Variants in SP140L observed in about 807,000 individuals in gnomAD.
The protein encoded by SP140L is SP140 like nuclear body protein, also known as nuclear body protein SP140-like protein.
A neutral mutation model predicts 84.3 loss-of-function variants in SP140L; 64 were observed. That is an observed-to-expected ratio of 0.76 (90% CI 0.62 to 0.94). SP140L has a LOEUF of 0.94. SP140L is among the 40% of genes least tolerant of loss of function. The pLI is 0.00. For synonymous variants in SP140L, 242 were observed against 236.9 expected (o/e 1.02, Z -0.20); for missense variants, 628 against 692.5 (o/e 0.91, Z 1.05).
intron 6 of SP140L, 84 bp from the exon 7 acceptor site, chr2:230,371,514 G>A: frequency 8.3e-7 from 1 of 1,199,762 alleles, no homozygotes; most frequent in Non-Finnish European, 1.2e-6. Flanking sequence ...ATAAACTCAA[G>A]CCTTCTATAG....
chr2:230,335,022 G>A (rs2059829307), intron 2 of SP140L, among the ~76,000 whole-genome samples: 1 of 151,950 alleles, frequency 6.6e-6, no homozygotes, highest in Non-Finnish European at 1.5e-5. Context: ...TTCCTTCTCT[G>A]AAGACATATC....
At chr2:230,388,808 T>A in intron 10 of SP140L, 175 bp downstream of exon 10, 1 of 617,398 alleles carries the variant, frequency 1.6e-6, no homozygotes, top group Non-Finnish European at 2.6e-6. Flanking sequence ...AAGAAGGAAG[T>A]AAGTTGGTGA....
At position 230,392,185 on chromosome 2, in the gene SP140L, C is replaced by T. The variant is rs778627120; in HGVS notation, c.1063C>T (p.Leu355=). Residue 355 remains leucine (L), a synonymous_variant, in exon 12 of 19, where the codon CTG becomes TTG. Coordinates refer to ENST00000415673, the MANE Select transcript of SP140L (RefSeq NM_138402.6). ...GGYARSKNWR[L]SVRCGGWPLR... ...CTACGCAAGATCAAAGAACTGGAGG[C>T]TGAGTGTGCGCTGTGGCGGGTGGCC... The T allele has an allele frequency of 1.2e-6, 2 of 1,613,966 alleles. No homozygotes were observed. Among genetic ancestry groups the T allele is most frequent in the Non-Finnish European group, 1.7e-6 (2 of 1,179,952 alleles).
chr2:230,336,057 T>A (rs1323194098), intron 2 of SP140L, among the ~76,000 whole-genome samples: 2 of 152,170 alleles, frequency 1.3e-5, no homozygotes, highest in East Asian at 3.9e-4. Flanking sequence ...TATTCCATCA[T>A]AAGAGGAGGG....
At chr2:230,362,296 A>G (rs993550928) in intron 5 of SP140L, among the ~76,000 whole-genome samples, 2 of 152,142 alleles carry the variant, frequency 1.3e-5, no homozygotes, top group African/African-American at 4.8e-5. Flanking sequence ...GACTTTCATC[A>G]CTTAGGATGT....
chr2:230,382,259 C>T (rs574233806), intron 7 of SP140L, among the ~76,000 whole-genome samples: 3 of 151,794 alleles, frequency 2.0e-5, no homozygotes, highest in Non-Finnish European at 2.9e-5. Context: ...CAGCCCCTGC[C>T]GTCTCATGCC....
At chr2:230,379,640 G>GT (rs1193102234) in intron 7 of SP140L, among the ~76,000 whole-genome samples, 4 of 151,864 alleles carry the variant, frequency 2.6e-5, no homozygotes, top group Admixed American at 2.6e-4. Context: ...AGTTTTTCTA[G>GT]TGAGTGATCT....
chr2:230,362,497 A>G (rs2060748706), intron 5 of SP140L, among the ~76,000 whole-genome samples: 3 of 152,274 alleles, frequency 2.0e-5, no homozygotes, highest in Non-Finnish European at 4.4e-5. Context: ...GAAGTGGTGC[A>G]GATGTGGAGA....
At chr2:230,365,106 T>C (rs1230626767) in intron 5 of SP140L, among the ~76,000 whole-genome samples, 2 of 152,136 alleles carry the variant, frequency 1.3e-5, no homozygotes, top group African/African-American at 4.8e-5. Context: ...GATACTGGCC[T>C]GTAGTTTTCT....
At chr2:230,375,813 C>T (rs990758419) in intron 7 of SP140L, among the ~76,000 whole-genome samples, 2 of 152,028 alleles carry the variant, frequency 1.3e-5, no homozygotes, top group East Asian at 1.9e-4. Flanking sequence ...GGGCAATAAC[C>T]CTTATCAAAT....
intron 7 of SP140L, among the ~76,000 whole-genome samples, chr2:230,381,483 T>G (rs555601832): frequency 9.9e-5 from 15 of 152,200 alleles, no homozygotes; most frequent in Non-Finnish European, 2.1e-4. Flanking sequence ...AATTTCCTCA[T>G]GAAGACACTA....
Position 230,357,906 on chromosome 2 carries a change from A to G in SP140L, c.209A>G (p.Lys70Arg). Residue 70 changes from lysine to arginine, a missense_variant, in exon 3 of 19, where the codon AAG (lysine) becomes AGG (arginine). This residue lies in a region of SP140L where 525 missense variants were observed against 518.4 expected (regional missense o/e 1.01). Transcript: ENST00000415673. Reference protein sequence around the residue: ...HKLEISNAIKKTFPFLEGLRD... With the variant: ...HKLEISNAIKRTFPFLEGLRD... ...CTGGAGATATCAAATGCAATAAAAAAGACATTTCCATTCCTTGAGGGCCTC... is the reference window on the plus strand; with the variant it reads ...CTGGAGATATCAAATGCAATAAAAAGGACATTTCCATTCCTTGAGGGCCTC... 6.2e-7 allele frequency: 1 copy of G among 1,614,148 alleles called. No individual in the cohort carries two copies. Among genetic ancestry groups the G allele is most frequent in the Non-Finnish European group, 8.5e-7 (1 of 1,179,956 alleles).
chr2:230,335,598 GT>G (rs986359575), intron 2 of SP140L, among the ~76,000 whole-genome samples: 2 of 151,750 alleles, frequency 1.3e-5, no homozygotes, highest in Admixed American at 1.3e-4. Context: ...GTCTACTGTT[GT>G]TTTTTTTGTG....
At chr2:230,383,351 T>G (rs542694099) in intron 7 of SP140L, among the ~76,000 whole-genome samples, 159 bp from the exon 8 acceptor site, 5 of 152,340 alleles carry the variant, frequency 3.3e-5, no homozygotes, top group Admixed American at 2.6e-4. Flanking sequence ...AAAATAGGAC[T>G]CTGTACTCAA....
Position 230,400,833 on chromosome 2 carries a change from T to C in SP140L, c.1314-122T>C, listed in dbSNP as rs557976204. On this transcript the variant is annotated intron_variant, in intron 15 of 18. Transcript: ENST00000415673. Reference sequence around the variant, plus strand: ...TGCAGTTCTTGGATACTCTGGGAGGTGTTCCCCTCCCTCCCATGACTGAGC... The same window carrying C: ...TGCAGTTCTTGGATACTCTGGGAGGCGTTCCCCTCCCTCCCATGACTGAGC... 9.3e-3 allele frequency: 14,598 copies of C among 1,574,150 alleles called. 94 individuals carry two copies. Among genetic ancestry groups the C allele is most frequent in the Non-Finnish European group, 0.011 (12,843 of 1,157,916 alleles).
intron 2 of SP140L, among the ~76,000 whole-genome samples, chr2:230,337,150 C>A (rs2059904268): frequency 6.6e-6 from 1 of 152,106 alleles, no homozygotes; most frequent in Non-Finnish European, 1.5e-5. Context: ...TCCTCTCCAG[C>A]ACCTGTTGTT....
At position 230,361,618 on chromosome 2, in the gene SP140L, C is replaced by G; in HGVS notation, c.444C>G (p.Ile148Met). ...IHIYKSFKNA[I>M]QDKLSFQESD... ...CTTCTCTCTCCCACTCTTCAGCAAT[C>G]CAAGACAAATTGTCTTTCCAAGAAA... The change falls in exon 5 of 19, where the codon ATC becomes ATG. Residue 148 changes from isoleucine to methionine, a missense_variant. This residue lies in a region of SP140L where 525 missense variants were observed against 518.4 expected (regional missense o/e 1.01). Transcript: ENST00000415673. 6.4e-7 allele frequency: 1 copy of G among 1,557,696 alleles called. No individual in the cohort carries two copies. Among genetic ancestry groups the G allele is most frequent in the South Asian group, 1.2e-5 (1 of 84,402 alleles).
chr2:230,353,074 T>C lies in SP140L; in HGVS notation c.108-4731T>C, dbSNP rs2060413794. Among the ~76,000 whole-genome samples the C allele has an allele frequency of 2.0e-5, 3 of 152,208 alleles. No homozygotes were observed. The South Asian group carries it at 6.2e-4, about 32-fold the overall frequency. ...ATCATTTGTGAATATATTTAAATAC[T>C]TCTCCTTTTATTTATCAATGTAAAA... On this transcript the variant is annotated intron_variant, in intron 2 of 18. Transcript: ENST00000415673.
At chr2:230,383,061 A>G (rs974289392) in intron 7 of SP140L, among the ~76,000 whole-genome samples, 1 of 152,214 alleles carries the variant, frequency 6.6e-6, no homozygotes, top group African/African-American at 2.4e-5. Context: ...TATAATGATT[A>G]TGTAATTGCA....
Sources: gnomAD v4.1 joint callset for allele counts (sites outside exome capture counted in the v4.1 genomes callset) on GRCh38, gnomAD v4.1.1 for gene constraint, gnomAD v4.1.1 regional missense constraint, MANE v1.5 for transcripts, NCBI Gene and HGNC (gene_info 2026-07-23, HGNC 2026-07-21) for gene names.